The following RBFOX1 variants were observed in gnomAD, a reference collection of about 807,000 sequenced individuals.
The protein encoded by RBFOX1 is RNA binding protein fox-1 homolog 1.
A neutral mutation model predicts 57.7 loss-of-function variants in RBFOX1; 8 were observed. The ratio of observed to expected loss-of-function variants is 0.14; its 90% CI spans 0.08 to 0.25. RBFOX1 has a LOEUF of 0.25. Ranked by LOEUF, RBFOX1 falls within the 10% of genes least tolerant of loss-of-function variation. The probability of loss-of-function intolerance (pLI) is 1.00; values close to 1 mark genes in which losing one functional copy is unlikely to be tolerated. For synonymous variants in RBFOX1, 326 were observed against 222.4 expected, an observed-to-expected ratio of 1.47 and a Z score of -4.15; for missense variants, 611 against 548.5, an observed-to-expected ratio of 1.11 and a Z score of -1.14.
intron 2 of RBFOX1, among the ~76,000 whole-genome samples, chr16:5,478,968 T>C (rs2069426894): frequency 6.6e-6 from 1 of 152,198 alleles, no homozygotes; most frequent in Non-Finnish European, 1.5e-5. Context: ...AGATTATAAC[T>C]TGTGGCTCCT....
chr16:5,967,154 C>CT (rs2059863024), intron 4 of RBFOX1, among the ~76,000 whole-genome samples: 1 of 152,020 alleles, frequency 6.6e-6, no homozygotes, highest in African/African-American at 2.4e-5. Context: ...CCATCTGGCC[C>CT]GCAAAGCCAC....
At chr16:6,494,973 C>G (rs1245846596) in intron 2 of RBFOX1, among the ~76,000 whole-genome samples, 2 of 152,154 alleles carry the variant, frequency 1.3e-5, no homozygotes, top group Non-Finnish European at 2.9e-5. Flanking sequence ...TACTACTGTT[C>G]TTACTTATGG....
At chr16:7,104,964 T>C (rs1449411876) in intron 4 of RBFOX1, among the ~76,000 whole-genome samples, 1 of 150,968 alleles carries the variant, frequency 6.6e-6, no homozygotes, top group African/African-American at 2.5e-5. Context: ...CGTGCTTCTG[T>C]GCTTGTGTGT....
At chr16:5,902,562 C>T (rs1213846045) in intron 4 of RBFOX1, among the ~76,000 whole-genome samples, 2 of 152,012 alleles carry the variant, frequency 1.3e-5, no homozygotes, top group African/African-American at 4.8e-5. Context: ...ATTGCAGGTG[C>T]CTGCCACCAT....
chr16:5,581,180 A>G (rs1019090849), intron 2 of RBFOX1, among the ~76,000 whole-genome samples: 1 of 152,156 alleles, frequency 6.6e-6, no homozygotes, highest in African/African-American at 2.4e-5. Flanking sequence ...TTTTTCTGAC[A>G]GAAAAGAAAC....
Position 6,323,295 on chromosome 16 carries a change from C to T in RBFOX1, c.-64+6238C>T, listed in dbSNP as rs553890286. On this transcript the variant is annotated intron_variant, in intron 2 of 15. Coordinates refer to ENST00000550418, the MANE Select transcript of RBFOX1 (RefSeq NM_018723.4). ...CCAGGCAGCACCCCACTGTCAGCCT[C>T]GTTCTTCTTCATCATCTTACCCAGT... Among the ~76,000 whole-genome samples, 7 of 152,226 alleles carry T rather than the reference C, an allele frequency of 4.6e-5. No individual in the cohort carries two copies. In the South Asian group the frequency reaches 6.2e-4, roughly 14 times the overall value.
chr16:6,764,836 C>T (rs545264184), intron 3 of RBFOX1, among the ~76,000 whole-genome samples: 1 of 152,194 alleles, frequency 6.6e-6, no homozygotes, highest in Non-Finnish European at 1.5e-5. Context: ...ACTCGGGAAG[C>T]TGAGGCAGGA....
intron 3 of RBFOX1, among the ~76,000 whole-genome samples, chr16:6,665,118 A>G (rs967410206): frequency 2.6e-5 from 4 of 152,176 alleles, no homozygotes; most frequent in Non-Finnish European, 4.4e-5. Context: ...ATTTCACCAG[A>G]TGCTAAGGAC....
chr16:7,563,268 TACAGGTGTTG>T (rs1404416432), intron 5 of RBFOX1, among the ~76,000 whole-genome samples: 3 of 152,132 alleles, frequency 2.0e-5, no homozygotes, highest in Non-Finnish European at 4.4e-5. Context: ...CCTAAGCACT[TACAGGTGTTG>T]ACTCATTTGG....
At chr16:5,914,330 A>T (rs1161432185) in intron 4 of RBFOX1, among the ~76,000 whole-genome samples, 2 of 152,232 alleles carry the variant, frequency 1.3e-5, no homozygotes, top group Non-Finnish European at 2.9e-5. Context: ...ATTAGGAAGT[A>T]GCTTGGCTGG....
rs774476004 is a variant in RBFOX1, at chr16:6,563,846, A to ATG, written c.-63-90741_-63-90740dup. ...GTCTCCAAAAAAAAAATATATATAT[A>ATG]TGTGTGTGTGTGTGTGTATGTATGT... On this transcript the variant is annotated intron_variant, in intron 2 of 15. Transcript: ENST00000550418. 7.8e-4 allele frequency among the ~76,000 whole-genome samples: 117 copies of ATG among 150,586 alleles called. 1 individual carries two copies. The highest frequency in any genetic ancestry group is 4.1e-3 in the East Asian group (21 of 5,116).
At chr16:6,272,073 A>T (rs1276112142) in intron 1 of RBFOX1, among the ~76,000 whole-genome samples, 1 of 152,170 alleles carries the variant, frequency 6.6e-6, no homozygotes, top group Non-Finnish European at 1.5e-5. Context: ...GAATTCAACA[A>T]TATATAATAA....
At chr16:5,524,731 G>A (rs7195108) in intron 2 of RBFOX1, among the ~76,000 whole-genome samples, 1 of 151,804 alleles carries the variant, frequency 6.6e-6, no homozygotes, top group South Asian at 2.1e-4. Flanking sequence ...AGTAGAGACA[G>A]GGTTTCACCG....
At chr16:5,612,069 C>G (rs1210373177) in intron 3 of RBFOX1, among the ~76,000 whole-genome samples, 3 of 151,348 alleles carry the variant, frequency 2.0e-5, no homozygotes, top group African/African-American at 7.3e-5. Context: ...CATCTAGTCT[C>G]CCACCCACCT....
At chr16:6,307,326 T>A (rs2079632253) in intron 1 of RBFOX1, among the ~76,000 whole-genome samples, 1 of 152,002 alleles carries the variant, frequency 6.6e-6, no homozygotes, top group African/African-American at 2.4e-5. Flanking sequence ...GAGCTTGCAG[T>A]GAGCCAAGAT....
chr16:7,335,837 A>G (rs766637845), intron 4 of RBFOX1, among the ~76,000 whole-genome samples: 3 of 152,176 alleles, frequency 2.0e-5, no homozygotes, highest in African/African-American at 4.8e-5. Context: ...TTTTATGTCT[A>G]CACTTGTTGT....
At chr16:6,750,401 A>G (rs1309720792) in intron 3 of RBFOX1, among the ~76,000 whole-genome samples, 1 of 152,242 alleles carries the variant, frequency 6.6e-6, no homozygotes, top group Non-Finnish European at 1.5e-5. Flanking sequence ...AAATAGCAGC[A>G]GAAGCTGAAA....
chr16:7,433,341 C>G (rs1182686191), intron 4 of RBFOX1, among the ~76,000 whole-genome samples: 2 of 152,328 alleles, frequency 1.3e-5, no homozygotes, highest in Non-Finnish European at 2.9e-5. Context: ...AGTAGTCTCT[C>G]TAAAGGAAAT....
chr16:7,586,467 A>G (rs886491764), intron 6 of RBFOX1, among the ~76,000 whole-genome samples: 1 of 152,208 alleles, frequency 6.6e-6, no homozygotes, highest in Non-Finnish European at 1.5e-5. Flanking sequence ...ACAGTCGTTG[A>G]ATTTGAAGTT....
Sources: gnomAD v4.1 joint callset for allele counts (sites outside exome capture counted in the v4.1 genomes callset) on GRCh38, gnomAD v4.1.1 for gene constraint, MANE v1.5 for transcripts, NCBI Gene and HGNC (gene_info 2026-07-23, HGNC 2026-07-21) for gene names.